Variants in CDYL2 observed in about 807,000 individuals in gnomAD.
The protein encoded by CDYL2 is chromodomain Y like 2.
A neutral mutation model predicts 49.4 loss-of-function variants in CDYL2; 23 were observed. The observed-to-expected ratio is 0.47, with a 90% confidence interval of 0.34 to 0.66. The LOEUF (loss-of-function observed/expected upper bound fraction) is 0.66, where lower values mean the gene tolerates loss of function less well. CDYL2 is among the 30% of genes least tolerant of loss of function. CDYL2 has a pLI of 0.01. For missense variants in CDYL2, 678 were observed against 656.4 expected, an observed-to-expected ratio of 1.03 and a Z score of -0.36; for synonymous variants, 360 against 268.8, an observed-to-expected ratio of 1.34 and a Z score of -3.32.
At position 80,687,735 on chromosome 16, in the gene CDYL2, T is replaced by C. The variant is rs559055411; in HGVS notation, c.25-2606A>G. ...ACGATCTGTTTTAAATCCCCTGCTA[T>C]GCCTCTTATCATGTGTTCTTGAGCA... On this transcript the variant is annotated intron_variant, in intron 1 of 6. Transcript: ENST00000570137. Among the ~76,000 whole-genome samples, 36 of 152,340 alleles carry C rather than the reference T, an allele frequency of 2.4e-4. No homozygotes were observed. The South Asian group carries it at 7.3e-3, about 31-fold the overall frequency.
At position 80,736,290 on chromosome 16, in the gene CDYL2, G is replaced by A. The variant is rs187763405; in HGVS notation, c.25-51161C>T. ...GTTCTCGTTTCTAACGGCAAAACAC[G>A]ATACGTAACCATCATGCACAGAATA... is the stretch of plus-strand genomic sequence containing the variant. On this transcript the variant is annotated intron_variant, in intron 1 of 6. Coordinates refer to ENST00000570137, the MANE Select transcript of CDYL2 (RefSeq NM_152342.4). The A allele has an allele frequency of 2.1e-4, 32 of 152,358 alleles. No individual in the cohort carries two copies. The East Asian group carries it at 4.6e-3, about 22-fold the overall frequency. 9.4% of individuals were successfully genotyped at this position (152,358 alleles called of 1,614,324 possible). A position where few individuals can be genotyped will look rare whatever the true frequency, so the allele number is the denominator to read the frequency against.
chr16:80,703,540 G>A (rs1198703412), intron 1 of CDYL2, among the ~76,000 whole-genome samples: 1 of 152,114 alleles, frequency 6.6e-6, no homozygotes, highest in Non-Finnish European at 1.5e-5. Context: ...TGCCCACCCA[G>A]CCACTCTGCC....
chr16:80,693,190 T>C (rs1910486302), intron 1 of CDYL2, among the ~76,000 whole-genome samples: 1 of 151,976 alleles, frequency 6.6e-6, no homozygotes, highest in Admixed American at 6.6e-5. Context: ...TCTGGGGAAA[T>C]GGAAATGTTC....
chr16:80,804,559 C>A lies in CDYL2; in HGVS notation c.-386G>T, dbSNP rs1338562497. On this transcript the variant is annotated 5_prime_UTR_variant, in exon 1 of 7. Transcript: ENST00000570137. ...TCGCCCCGGCGCCGCCTGCAGGAAG[C>A]CGCCCGGCGCCCGCCGCCGGCCCGG... 6.9e-6 allele frequency among the ~76,000 whole-genome samples: 1 copy of A among 144,094 alleles called. No individual in the cohort carries two copies. Among genetic ancestry groups the A allele is most frequent in the East Asian group, 2.1e-4 (1 of 4,796 alleles). The allele number at this position is 144,094 out of a possible 152,430, so 94.5% of individuals were successfully genotyped here. A position where few individuals can be genotyped will look rare whatever the true frequency, so the allele number is the denominator to read the frequency against.
intron 4 of CDYL2, among the ~76,000 whole-genome samples, chr16:80,615,296 G>C (rs1167567988): frequency 6.6e-6 from 1 of 152,096 alleles, no homozygotes; most frequent in South Asian, 2.1e-4. Flanking sequence ...AAGCAATTTG[G>C]GGTCTGCGGG....
intron 1 of CDYL2, among the ~76,000 whole-genome samples, chr16:80,765,564 T>C (rs1013722865): frequency 3.3e-5 from 5 of 151,720 alleles, no homozygotes; most frequent in Non-Finnish European, 7.4e-5. Context: ...TTCCTAGGTA[T>C]AAACCTAAGA....
intron 1 of CDYL2, among the ~76,000 whole-genome samples, chr16:80,752,174 G>A (rs1906160521): frequency 6.6e-6 from 1 of 152,004 alleles, no homozygotes. Flanking sequence ...AAGTTTAACA[G>A]CATATAAAAC....
At chr16:80,719,479 A>G (rs1398791505) in intron 1 of CDYL2, among the ~76,000 whole-genome samples, 1 of 152,216 alleles carries the variant, frequency 6.6e-6, no homozygotes, top group Non-Finnish European at 1.5e-5. Context: ...ATCATCATGG[A>G]GGAATAGGGG....
intron 1 of CDYL2, among the ~76,000 whole-genome samples, chr16:80,690,244 A>T (rs1490336236): frequency 5.9e-5 from 9 of 152,222 alleles, no homozygotes; most frequent in Admixed American, 2.6e-4. Flanking sequence ...CAGAACAGTC[A>T]CAAAGGCTCC....
chr16:80,625,894 C>A (rs1257109486), intron 3 of CDYL2, among the ~76,000 whole-genome samples: 1 of 152,042 alleles, frequency 6.6e-6, no homozygotes, highest in African/African-American at 2.4e-5. Context: ...CATTTTCAGT[C>A]AAAGAATGTT....
chr16:80,632,721 T>C (rs1907620548), intron 3 of CDYL2: 1 of 361,234 alleles, frequency 2.8e-6, no homozygotes, highest in African/African-American at 2.0e-5. Flanking sequence ...GCCCAAGATG[T>C]GATGTTTGGA....
chr16:80,632,326 C>A (rs796866674), intron 3 of CDYL2, among the ~76,000 whole-genome samples: 15 of 152,314 alleles, frequency 9.8e-5, no homozygotes, highest in African/African-American at 2.2e-4. Context: ...AGGCTACAAA[C>A]TGCACGTTTC....
At chr16:80,798,084 A>AGGCTGG (rs987960128) in intron 1 of CDYL2, among the ~76,000 whole-genome samples, 1 of 152,188 alleles carries the variant, frequency 6.6e-6, no homozygotes, top group Non-Finnish European at 1.5e-5. Flanking sequence ...TCTGTCACCC[A>AGGCTGG]GGCTGGAGTG....
chr16:80,720,032 T>A (rs117496410), intron 1 of CDYL2, among the ~76,000 whole-genome samples: 472 of 152,350 alleles, frequency 3.1e-3, no homozygotes, highest in Non-Finnish European at 4.1e-3. Flanking sequence ...CTCCCATGCC[T>A]TGACACTGTA....
At chr16:80,666,068 C>CT (rs1480526233) in intron 2 of CDYL2, among the ~76,000 whole-genome samples, 2 of 152,184 alleles carry the variant, frequency 1.3e-5, no homozygotes, top group South Asian at 4.1e-4. Context: ...AATGAAGACT[C>CT]ATGAGGCGCC....
chr16:80,670,289 C>CG (rs35973364), intron 2 of CDYL2, among the ~76,000 whole-genome samples: 1 of 151,726 alleles, frequency 6.6e-6, no homozygotes, highest in African/African-American at 2.4e-5. Flanking sequence ...GACTGGATCA[C>CG]GGGGGGCGGT....
intron 3 of CDYL2, among the ~76,000 whole-genome samples, chr16:80,631,080 G>T (rs1374846398): frequency 2.6e-5 from 4 of 152,186 alleles, no homozygotes; most frequent in Non-Finnish European, 5.9e-5. Context: ...CTGGCACTGG[G>T]ATGAACAGAA....
intron 1 of CDYL2, among the ~76,000 whole-genome samples, chr16:80,802,859 C>T (rs993613457): frequency 1.3e-5 from 2 of 152,256 alleles, no homozygotes; most frequent in Non-Finnish European, 2.9e-5. Context: ...TGCAGTCTGT[C>T]GTGGGTGGAT....
At chr16:80,643,594 C>A (rs1908201326) in intron 2 of CDYL2, among the ~76,000 whole-genome samples, 1 of 152,256 alleles carries the variant, frequency 6.6e-6, no homozygotes, top group African/African-American at 2.4e-5. Flanking sequence ...TTCCATACAT[C>A]TTCTGAAATC....
Sources: allele counts gnomAD v4.1 joint callset (sites outside exome capture counted in the v4.1 genomes callset), GRCh38; gene constraint gnomAD v4.1.1; transcripts MANE v1.5; gene names NCBI Gene and HGNC (gene_info 2026-07-23, HGNC 2026-07-21).